Variants in ANKAR observed in about 807,000 individuals in gnomAD.
ANKAR encodes ankyrin and armadillo repeat containing.
A neutral mutation model predicts 146.2 loss-of-function variants in ANKAR; 136 were observed. That is an observed-to-expected ratio of 0.93 (90% CI 0.81 to 1.07). ANKAR has a LOEUF of 1.07. Ranked by LOEUF, ANKAR falls within the 50% of genes least tolerant of loss-of-function variation. The pLI is 0.00. For synonymous variants in ANKAR, 500 were observed against 575.8 expected, an observed-to-expected ratio of 0.87 and a Z score of 1.88; for missense variants, 1,567 against 1,679.9, an observed-to-expected ratio of 0.93 and a Z score of 1.18.
At chr2:189,754,391 G>A (rs1248181190) in intron 18 of ANKAR, 1 of 1,476,412 alleles carries the variant, frequency 6.8e-7, no homozygotes, top group Non-Finnish European at 9.1e-7. Context: ...TAAATACTGT[G>A]AAACGAAAAG....
chr2:189,728,470 C>T, intron 14 of ANKAR, 50 bp downstream of exon 14: 2 of 1,541,148 alleles, frequency 1.3e-6, no homozygotes, highest in Non-Finnish European at 1.8e-6. Flanking sequence ...CAGGATCTTG[C>T]TCTGTTGCCC....
chr2:189,685,303 A>C (rs901394350), intron 2 of ANKAR, among the ~76,000 whole-genome samples: 1 of 151,450 alleles, frequency 6.6e-6, no homozygotes, highest in Non-Finnish European at 1.5e-5. Context: ...TGATATGAAC[A>C]ATCGTGGTTT....
rs1559111721 is a variant in ANKAR, at chr2:189,718,324, GTCTA to G, written c.2225-1244_2225-1241del. Among the ~76,000 whole-genome samples the G allele has an allele frequency of 2.8e-3, 36 of 12,702 alleles. No homozygotes were observed. The South Asian group carries it at 0.09, about 32-fold the overall frequency. The allele number at this position is 12,702 out of a possible 152,430, so 8.3% of individuals were successfully genotyped here. ...TATCTATCTATATATCTATCTGTCT[GTCTA>G]TCTGTCTGTCTAGCTATCTATCTAC... On this transcript the variant is annotated intron_variant, in intron 10 of 22. Transcript: ENST00000684021.
chr2:189,745,240 C>G (rs1207475008), intron 22 of ANKAR, among the ~76,000 whole-genome samples: 1 of 151,844 alleles, frequency 6.6e-6, no homozygotes, highest in East Asian at 1.9e-4. Flanking sequence ...CTGCATACTT[C>G]TCTTTTGTAA....
At chr2:189,706,906 C>T (rs527626846) in intron 8 of ANKAR, 32 bp from the exon 9 acceptor site, 44 of 1,546,996 alleles carry the variant, frequency 2.8e-5, no homozygotes, top group East Asian at 2.3e-4. Context: ...ACACTCTATG[C>T]GTGTTTAATT....
chr2:189,762,196 A>G (rs2047177904), downstream of ANKAR, among the ~76,000 whole-genome samples: 1 of 152,256 alleles, frequency 6.6e-6, no homozygotes, highest in African/African-American at 2.4e-5. Context: ...CTTTGGAATT[A>G]AATCTCCACT....
chr2:189,734,012 T>C (rs1273130303), intron 17 of ANKAR, among the ~76,000 whole-genome samples: 1 of 152,162 alleles, frequency 6.6e-6, no homozygotes, highest in East Asian at 1.9e-4. Context: ...AGAATATCCC[T>C]CAATTTGACC....
chr2:189,718,728 G>A (rs2105774450), intron 10 of ANKAR, among the ~76,000 whole-genome samples: 1 of 149,130 alleles, frequency 6.7e-6, no homozygotes, highest in East Asian at 2.0e-4. Flanking sequence ...TCCACCTGAA[G>A]CCAGATTTTC....
chr2:189,746,261 T>G lies in ANKAR; in HGVS notation c.4058-119T>G. 3.3e-6 allele frequency: 4 copies of G among 1,212,188 alleles called. No homozygotes were observed. In the South Asian group the frequency reaches 7.4e-5, roughly 22 times the overall value. The allele number at this position is 1,212,188 out of a possible 1,614,324, so 75.1% of individuals were successfully genotyped here. Reference sequence around the variant, plus strand: ...CTGACATCTAAATGTCTGGAAGTACTGATCTGTTCTCTTAGTATGTTTTAG... The same window carrying G: ...CTGACATCTAAATGTCTGGAAGTACGGATCTGTTCTCTTAGTATGTTTTAG... On this transcript the variant is annotated intron_variant, in intron 22 of 22. Transcript: ENST00000684021.
intron 17 of ANKAR, among the ~76,000 whole-genome samples, chr2:189,736,320 T>C (rs2042828670): frequency 6.6e-6 from 1 of 152,192 alleles, no homozygotes; most frequent in African/African-American, 2.4e-5. Flanking sequence ...CTTCGCTCTA[T>C]CTGACCTTGA....
Position 189,677,043 on chromosome 2 carries a change from G to C in ANKAR, c.553G>C (p.Gly185Arg). 6.3e-7 allele frequency: 1 copy of C among 1,596,148 alleles called. No homozygotes were observed. Among genetic ancestry groups the C allele is most frequent in the Non-Finnish European group, 8.5e-7 (1 of 1,174,434 alleles). Reference protein sequence around the residue: ...WRAIMDIDPDGKPQTNKDIFS... With the variant: ...WRAIMDIDPDRKPQTNKDIFS... ...TGCCATCATGGACATTGATCCTGAT[G>C]GAAAACCTCAAACAAATAAAGACAT... Residue 185 changes from glycine (G) to arginine (R), a missense_variant, in exon 2 of 23, where the codon GGA (glycine) becomes CGA (arginine). Physicochemically the swap from Gly to Arg is moderately radical, Grantham distance 125. Transcript: ENST00000684021.
intron 18 of ANKAR, among the ~76,000 whole-genome samples, chr2:189,752,358 A>G (rs1251265027): frequency 6.6e-6 from 1 of 152,166 alleles, no homozygotes; most frequent in African/African-American, 2.4e-5. Flanking sequence ...TTGACATTGC[A>G]AAAGTCCAGG....
chr2:189,752,612 G>A, intron 18 of ANKAR: 1 of 1,598,144 alleles, frequency 6.3e-7, no homozygotes, highest in South Asian at 1.1e-5. Flanking sequence ...TTTGTCTTAA[G>A]TAATGTAACT....
At chr2:189,702,736 A>G (rs2038263442) in intron 7 of ANKAR, among the ~76,000 whole-genome samples, 1 of 152,240 alleles carries the variant, frequency 6.6e-6, no homozygotes, top group Non-Finnish European at 1.5e-5. Context: ...TATTAAGGCT[A>G]TAATATCAAG....
In ANKAR at chr2:189,741,359, C is replaced by G; in HGVS notation, c.3718C>G (p.Leu1240Val). ...IVLTGNLIAS[L>V]AHSRAGIPEA... ...ATTTATAGGGAATTTAATAGCAAGC[C>G]TGGCTCATTCTAGAGCTGGTATCCC... The change falls in exon 20 of 23, where the codon CTG becomes GTG. Residue 1240 changes from leucine (L) to valine (V), a missense_variant. Physicochemically the swap from Leu to Val is conservative, Grantham distance 32. Transcript: ENST00000684021. 1 of 1,603,136 alleles carries G rather than the reference C, an allele frequency of 6.2e-7. No individual in the cohort carries two copies. Among genetic ancestry groups the G allele is most frequent in the Non-Finnish European group, 8.5e-7 (1 of 1,175,630 alleles).
chr2:189,727,035 A>G (rs1464924043), intron 12 of ANKAR, among the ~76,000 whole-genome samples: 1 of 152,158 alleles, frequency 6.6e-6, no homozygotes, highest in Non-Finnish European at 1.5e-5. Flanking sequence ...TAATACCAAA[A>G]ATGCAAAACA....
intron 18 of ANKAR, among the ~76,000 whole-genome samples, chr2:189,753,310 AATT>A (rs2045581425): frequency 6.6e-6 from 1 of 152,152 alleles, no homozygotes; most frequent in Admixed American, 6.5e-5. Flanking sequence ...ACTCTGAAAA[AATT>A]ATTCTTTGAT....
intron 3 of ANKAR, among the ~76,000 whole-genome samples, chr2:189,692,031 G>A (rs1457928256): frequency 1.3e-5 from 2 of 151,852 alleles, no homozygotes. Context: ...CAAAATGCTG[G>A]GATTATAGGC....
intron 18 of ANKAR, chr2:189,755,210 T>A: frequency 6.2e-7 from 1 of 1,611,860 alleles, no homozygotes; most frequent in South Asian, 1.1e-5. Flanking sequence ...GTCCAAAGAC[T>A]TTCCAAGAAG....
Sources: allele counts gnomAD v4.1 joint callset (sites outside exome capture counted in the v4.1 genomes callset), GRCh38; gene constraint gnomAD v4.1.1; transcripts MANE v1.5; gene names NCBI Gene and HGNC (gene_info 2026-07-23, HGNC 2026-07-21).